SUGCT: variants seen among roughly 807,000 people sequenced by gnomAD.
SUGCT encodes succinyl-CoA:glutarate-CoA transferase, also known as succinyl-CoA:glutarate CoA-transferase.
In SUGCT, 41 loss-of-function variants were observed where a neutral mutation model predicts 55.0. The observed-to-expected ratio is 0.74, with a 90% CI of 0.58 to 0.97. The LOEUF (loss-of-function observed/expected upper bound fraction) is 0.97, where lower values mean the gene tolerates loss of function less well. Among genes scored for constraint, SUGCT ranks in the 50% least tolerant of loss-of-function variants. The pLI, the probability that SUGCT is intolerant of heterozygous loss-of-function variation, is 0.00. For synonymous variants in SUGCT, 187 were observed against 200.4 expected (o/e 0.93, Z 0.56); for missense variants, 568 against 547.8 (o/e 1.04, Z -0.37).
At chr7:40,277,554 T>C (rs996301588) in intron 8 of SUGCT, among the ~76,000 whole-genome samples, 17 of 152,168 alleles carry the variant, frequency 1.1e-4, no homozygotes, top group African/African-American at 4.1e-4. Context: ...TGATGGTCTT[T>C]TAAGGCAAAG....
chr7:40,152,097 G>GTTA (rs1788606532), intron 1 of SUGCT, among the ~76,000 whole-genome samples: 1 of 152,170 alleles, frequency 6.6e-6, no homozygotes, highest in South Asian at 2.1e-4. Context: ...CAATAGTGAT[G>GTTA]TTATCCCTAA....
rs530601807 is a variant in SUGCT at position 40,180,187 on chromosome 7, G to T, written c.101-760G>T. On this transcript the variant is annotated intron_variant, in intron 1 of 13. Transcript: ENST00000335693. ...TCGCTCAGGTGGAGTGCAGTGGCTCGATCTCGGCTCGCTACAGCTTCCGCC... is the reference window on the plus strand; with the variant it reads ...TCGCTCAGGTGGAGTGCAGTGGCTCTATCTCGGCTCGCTACAGCTTCCGCC... 5.3e-5 allele frequency among the ~76,000 whole-genome samples: 8 copies of T among 151,516 alleles called. No individual in the cohort carries two copies. The South Asian group carries it at 1.7e-3, about 32-fold the overall frequency.
At chr7:40,971,001 T>C in the SUGCT span, among the ~76,000 whole-genome samples, 2 of 152,270 alleles carry the variant, frequency 1.3e-5, no homozygotes, top group East Asian at 3.9e-4. Flanking sequence ...GTTGGGTCAT[T>C]CTTGTGTTGC....
the SUGCT span, among the ~76,000 whole-genome samples, chr7:40,976,540 C>G: frequency 6.6e-6 from 1 of 152,216 alleles, no homozygotes; most frequent in African/African-American, 2.4e-5. Context: ...TTTCACATCT[C>G]TGAATGTGAT....
chr7:40,528,782 A>G (rs1057100427), intron 12 of SUGCT, among the ~76,000 whole-genome samples: 6 of 152,066 alleles, frequency 3.9e-5, no homozygotes, highest in Admixed American at 6.6e-5. Context: ...GATTCCCCCA[A>G]CTCGTTAAAT....
At chr7:40,614,443 A>G (rs1418439637) in intron 12 of SUGCT, among the ~76,000 whole-genome samples, 1 of 152,204 alleles carries the variant, frequency 6.6e-6, no homozygotes, top group African/African-American at 2.4e-5. Flanking sequence ...AGACAATCAT[A>G]TGCTGACATC....
intron 12 of SUGCT, among the ~76,000 whole-genome samples, chr7:40,642,935 A>C (rs773832829): frequency 2.6e-5 from 4 of 152,172 alleles, no homozygotes; most frequent in African/African-American, 9.7e-5. Flanking sequence ...CCTTCTGGCA[A>C]GGGGCGGCAA....
the SUGCT span, among the ~76,000 whole-genome samples, chr7:40,870,419 C>T: frequency 6.6e-6 from 1 of 152,144 alleles, no homozygotes; most frequent in Admixed American, 6.5e-5. Flanking sequence ...ATCAAATCTC[C>T]TTCTGCCTGT....
chr7:40,965,296 C>T, the SUGCT span: 2 of 152,186 alleles, frequency 1.3e-5, no homozygotes, highest in Non-Finnish European at 2.9e-5. Flanking sequence ...CTTTGACTGC[C>T]AGGGGGCTAA....
chr7:40,381,883 A>G (rs1784893003), intron 9 of SUGCT, among the ~76,000 whole-genome samples: 1 of 152,034 alleles, frequency 6.6e-6, no homozygotes, highest in South Asian at 2.1e-4. Flanking sequence ...TTTATTTCAT[A>G]TATGTTTTTT....
the SUGCT span, among the ~76,000 whole-genome samples, chr7:40,946,945 A>T: frequency 6.6e-6 from 1 of 152,162 alleles, no homozygotes; most frequent in Non-Finnish European, 1.5e-5. Flanking sequence ...TCTGAATCTC[A>T]TTGAGTTTAT....
intron 9 of SUGCT, among the ~76,000 whole-genome samples, chr7:40,364,142 C>T (rs1310290836): frequency 6.6e-6 from 1 of 151,574 alleles, no homozygotes; most frequent in Non-Finnish European, 1.5e-5. Context: ...GAAACCCCTG[C>T]CTTTTTTTGT....
intron 13 of SUGCT, among the ~76,000 whole-genome samples, chr7:40,858,424 A>G (rs1295604433): frequency 6.6e-6 from 1 of 151,040 alleles, no homozygotes; most frequent in Admixed American, 6.6e-5. Context: ...AAAAAAAAAA[A>G]AAAAAGAAAA....
the SUGCT span, among the ~76,000 whole-genome samples, chr7:40,952,252 G>A: frequency 1.3e-5 from 2 of 152,010 alleles, no homozygotes; most frequent in Admixed American, 6.6e-5. Flanking sequence ...TAAAGTCTGT[G>A]TTATCTGAGA....
At chr7:40,600,808 T>G (rs957257805) in intron 12 of SUGCT, among the ~76,000 whole-genome samples, 8 of 152,062 alleles carry the variant, frequency 5.3e-5, no homozygotes, top group Non-Finnish European at 1.2e-4. Context: ...GATATGTCTG[T>G]GGCATGAGGA....
At chr7:40,498,938 C>T (rs1792134122) in intron 12 of SUGCT, 1 of 391,278 alleles carries the variant, frequency 2.6e-6, no homozygotes, top group Non-Finnish European at 5.1e-6. Context: ...AAGTTCCCTT[C>T]CTCATTTCTG....
At chr7:40,614,925 A>C (rs1040879245) in intron 12 of SUGCT, among the ~76,000 whole-genome samples, 2 of 152,070 alleles carry the variant, frequency 1.3e-5, no homozygotes, top group African/African-American at 4.8e-5. Flanking sequence ...GCATGGTAGC[A>C]GGTGCCTATA....
intron 12 of SUGCT, among the ~76,000 whole-genome samples, chr7:40,692,197 T>C (rs1014950793): frequency 3.3e-5 from 5 of 152,202 alleles, no homozygotes; most frequent in African/African-American, 1.2e-4. Context: ...ATAAGTGGTA[T>C]AGTAGTGGTA....
chr7:40,949,189 A>G, the SUGCT span, among the ~76,000 whole-genome samples: 1 of 152,042 alleles, frequency 6.6e-6, no homozygotes, highest in Non-Finnish European at 1.5e-5. Flanking sequence ...TTTGATTTGC[A>G]TTTCTCTGAT....
Sources: gnomAD v4.1 joint callset for allele counts (sites outside exome capture counted in the v4.1 genomes callset) on GRCh38, gnomAD v4.1.1 for gene constraint, MANE v1.5 for transcripts, NCBI Gene and HGNC (gene_info 2026-07-23, HGNC 2026-07-21) for gene names.